CALN1: variants seen among roughly 807,000 people sequenced by gnomAD.
CALN1 encodes calcium-binding protein 8.
A neutral mutation model predicts 30.6 loss-of-function variants in CALN1; 17 were observed. The ratio of observed to expected loss-of-function variants is 0.56; its 90% CI spans 0.38 to 0.83. The LOEUF is 0.83. CALN1 is among the 40% of genes least tolerant of loss of function. The pLI is 0.00. For missense variants in CALN1, 291 were observed against 354.9 expected (o/e 0.82, Z 1.45); for synonymous variants, 156 against 131.4 (o/e 1.19, Z -1.28).
intron 5 of CALN1, among the ~76,000 whole-genome samples, chr7:71,984,980 T>C (rs1798588018): frequency 6.6e-6 from 1 of 152,140 alleles, no homozygotes; most frequent in Admixed American, 6.5e-5. Flanking sequence ...TGGCTTGAGT[T>C]TGGAGCCGTC....
At chr7:72,017,659 C>T (rs968155964) in intron 5 of CALN1, among the ~76,000 whole-genome samples, 1 of 152,172 alleles carries the variant, frequency 6.6e-6, no homozygotes, top group African/African-American at 2.4e-5. Flanking sequence ...TAGCCCCGGA[C>T]TCATTCCAAC....
chr7:72,300,392 G>A lies in CALN1; in HGVS notation c.120-21582C>T, dbSNP rs184218299. On this transcript the variant is annotated intron_variant, in intron 2 of 6. Coordinates refer to ENST00000395275, the MANE Select transcript of CALN1 (RefSeq NM_031468.4). ...TTTGTGTATCAAGAAAAGGCACTGC[G>A]TTGTATTTTTAATGAACAACAACAA... is the stretch of plus-strand genomic sequence containing the variant. 2.1e-4 allele frequency among the ~76,000 whole-genome samples: 31 copies of A among 151,096 alleles called. No homozygotes were observed. In the East Asian group the frequency reaches 3.5e-3, roughly 17 times the overall value.
At chr7:72,227,607 G>A (rs1398443697) in intron 3 of CALN1, among the ~76,000 whole-genome samples, 1 of 151,742 alleles carries the variant, frequency 6.6e-6, no homozygotes, top group African/African-American at 2.4e-5. Context: ...GTGGGGGGTG[G>A]GCAAAGGTTA....
At chr7:71,992,362 C>A (rs1798999401) in intron 5 of CALN1, among the ~76,000 whole-genome samples, 2 of 151,758 alleles carry the variant, frequency 1.3e-5, no homozygotes, top group South Asian at 4.2e-4. Flanking sequence ...TTTTTTTTTA[C>A]TATTATTTTT....
intron 3 of CALN1, among the ~76,000 whole-genome samples, chr7:72,172,623 GC>G (rs1789050632): frequency 6.6e-6 from 1 of 152,174 alleles, no homozygotes; most frequent in South Asian, 2.1e-4. Flanking sequence ...TTCCAGGAAT[GC>G]AAGCCTGGTT....
chr7:71,981,199 T>C (rs910185632), intron 5 of CALN1, among the ~76,000 whole-genome samples: 2 of 152,182 alleles, frequency 1.3e-5, no homozygotes, highest in African/African-American at 4.8e-5. Flanking sequence ...TGTTAGATCT[T>C]AGGAACAAGT....
chr7:72,122,619 G>A (rs1188884836), intron 3 of CALN1, among the ~76,000 whole-genome samples: 1 of 152,108 alleles, frequency 6.6e-6, no homozygotes, highest in Non-Finnish European at 1.5e-5. Context: ...CAAGCTACTG[G>A]GGAGACTGAG....
chr7:72,122,770 T>C (rs1808483976), intron 3 of CALN1, among the ~76,000 whole-genome samples: 1 of 152,126 alleles, frequency 6.6e-6, no homozygotes, highest in South Asian at 2.1e-4. Context: ...CTTCGGATCA[T>C]TCAATTCAAC....
intron 1 of CALN1, among the ~76,000 whole-genome samples, chr7:72,435,000 A>G (rs1808103570): frequency 6.6e-6 from 1 of 152,196 alleles, no homozygotes; most frequent in Non-Finnish European, 1.5e-5. Flanking sequence ...GCCAAGGTGG[A>G]AGGATTACTT....
Position 72,382,314 on chromosome 7 carries a change from T to C in CALN1, c.119+20937A>G, listed in dbSNP as rs1427287104. On this transcript the variant is annotated intron_variant, in intron 2 of 6. Coordinates refer to ENST00000395275, the MANE Select transcript of CALN1 (RefSeq NM_031468.4). ...ATGAACGATGAGAAAGGGAGAAAAA[T>C]GACAGCCGTCAGGCAAGAAATAAAG... Among the ~76,000 whole-genome samples the C allele has an allele frequency of 2.0e-5, 3 of 152,118 alleles. No homozygotes were observed. The East Asian group carries it at 5.8e-4, about 29-fold the overall frequency.
Position 71,818,352 on chromosome 7 carries a change from C to A in CALN1, c.502-7860G>T, listed in dbSNP as rs139146239. 2.1e-3 allele frequency among the ~76,000 whole-genome samples: 321 copies of A among 152,094 alleles called. 2 individuals carry two copies. The Middle Eastern group carries it at 0.031, about 15-fold the overall frequency. On this transcript the variant is annotated intron_variant, in intron 5 of 6. Coordinates refer to ENST00000395275, the MANE Select transcript of CALN1 (RefSeq NM_031468.4). ...AGGGTAGGGGGCAGCCGTACCAAGG[C>A]ACAGAGTTGCAAAAGCTTGACATGT...
intron 3 of CALN1, among the ~76,000 whole-genome samples, chr7:72,128,591 C>T (rs1048686106): frequency 6.6e-6 from 1 of 152,154 alleles, no homozygotes; most frequent in Non-Finnish European, 1.5e-5. Context: ...TTAAAACGGG[C>T]CAGGTGCAGT....
Position 72,108,681 on chromosome 7 carries a change from CTATGATA to C in CALN1, c.245-2394_245-2388del, listed in dbSNP as rs1174077136. Among the ~76,000 whole-genome samples the C allele has an allele frequency of 4.6e-5, 7 of 152,296 alleles. No homozygotes were observed. In the East Asian group the frequency reaches 1.4e-3, roughly 29 times the overall value. Reference sequence around the variant, plus strand: ...CTACAATCGTCTATACATTCCTTCCCTATGATATATAAGTCCTGGGTCTGGTAGGTGA... The same window carrying C: ...CTACAATCGTCTATACATTCCTTCCCTATAAGTCCTGGGTCTGGTAGGTGA... On this transcript the variant is annotated intron_variant, in intron 3 of 6. Transcript: ENST00000395275.
chr7:72,201,184 C>T (rs1444952560), intron 3 of CALN1, among the ~76,000 whole-genome samples: 2 of 152,118 alleles, frequency 1.3e-5, no homozygotes, highest in African/African-American at 2.4e-5. Context: ...AACAGAAAAC[C>T]AAATGCTGCA....
intron 5 of CALN1, among the ~76,000 whole-genome samples, chr7:71,971,346 A>G (rs1212111971): frequency 6.6e-6 from 1 of 152,114 alleles, no homozygotes; most frequent in Admixed American, 6.6e-5. Context: ...GCTACTTGGG[A>G]GGCTGAGGCA....
chr7:72,205,469 C>T (rs1266277034), intron 3 of CALN1, among the ~76,000 whole-genome samples: 2 of 148,676 alleles, frequency 1.3e-5, no homozygotes, highest in Non-Finnish European at 1.5e-5. Context: ...TTTCAAACTG[C>T]TGGGATTACA....
intron 2 of CALN1, among the ~76,000 whole-genome samples, chr7:72,365,177 T>C (rs997060260): frequency 1.3e-5 from 2 of 152,032 alleles, no homozygotes; most frequent in Non-Finnish European, 2.9e-5. Flanking sequence ...TGGTGGCATA[T>C]GACTGTAATC....
chr7:72,283,918 A>G (rs1797902078), intron 2 of CALN1, among the ~76,000 whole-genome samples: 1 of 152,168 alleles, frequency 6.6e-6, no homozygotes, highest in Admixed American at 6.5e-5. Context: ...TATCAAAGAA[A>G]AGATCTTGTG....
chr7:72,314,491 T>C (rs920221654), intron 2 of CALN1, among the ~76,000 whole-genome samples: 2 of 151,720 alleles, frequency 1.3e-5, no homozygotes, highest in African/African-American at 2.4e-5. Context: ...TGGCACAATT[T>C]TGGCTCACTG....
Sources: allele counts gnomAD v4.1 joint callset (sites outside exome capture counted in the v4.1 genomes callset), GRCh38; gene constraint gnomAD v4.1.1; transcripts MANE v1.5; gene names NCBI Gene and HGNC (gene_info 2026-07-23, HGNC 2026-07-21).